KLF12: variants seen among roughly 807,000 people sequenced by gnomAD.
KLF12 encodes KLF transcription factor 12.
KLF12 carries 9 observed loss-of-function variants against 37.8 expected under a neutral mutation model. That is an observed-to-expected ratio of 0.24 (90% CI 0.14 to 0.42). The LOEUF is 0.42. Among genes scored for constraint, KLF12 ranks in the 10% least tolerant of loss-of-function variants. KLF12 has a pLI of 1.00. For missense variants in KLF12, 411 were observed against 516.0 expected (o/e 0.80, Z 1.97); for synonymous variants, 208 against 202.1 (o/e 1.03, Z -0.25).
the KLF12 span, among the ~76,000 whole-genome samples, chr13:74,181,327 A>G: frequency 4.6e-5 from 7 of 151,598 alleles, no homozygotes; most frequent in African/African-American, 1.7e-4. Flanking sequence ...CATTTAGCAT[A>G]AAAGAAAAAA....
chr13:73,703,234 T>C (rs1003801154), intron 7 of KLF12, among the ~76,000 whole-genome samples: 10 of 152,212 alleles, frequency 6.6e-5, no homozygotes, highest in Non-Finnish European at 1.5e-4. Flanking sequence ...AAGGATATTT[T>C]ATATTTACAA....
chr13:74,287,384 GAGAGA>G, the KLF12 span, among the ~76,000 whole-genome samples: 11 of 151,922 alleles, frequency 7.2e-5, no homozygotes, highest in African/African-American at 2.4e-4. Flanking sequence ...GAGAGAGAGA[GAGAGA>G]GAGAGAATCC....
intron 6 of KLF12, among the ~76,000 whole-genome samples, chr13:73,718,040 T>C (rs1875946811): frequency 6.6e-6 from 1 of 152,208 alleles, no homozygotes; most frequent in Non-Finnish European, 1.5e-5. Flanking sequence ...GAGTATTTGT[T>C]TTCTGCAAGT....
At chr13:73,894,867 G>T (rs1186034613) in intron 3 of KLF12, among the ~76,000 whole-genome samples, 2 of 152,128 alleles carry the variant, frequency 1.3e-5, no homozygotes, top group African/African-American at 4.8e-5. Context: ...AGGAATAGCT[G>T]TTGAATTTTG....
At chr13:73,988,077 G>T (rs187881894) in intron 2 of KLF12, among the ~76,000 whole-genome samples, 190 of 152,304 alleles carry the variant, frequency 1.2e-3, no homozygotes, top group Non-Finnish European at 2.3e-3. Context: ...AAGGGCTCCT[G>T]TCTTCCTTCA....
At chr13:74,181,349 A>C in the KLF12 span, among the ~76,000 whole-genome samples, 1 of 150,300 alleles carries the variant, frequency 6.7e-6, no homozygotes, top group Non-Finnish European at 1.5e-5. Flanking sequence ...AATAGAAAAC[A>C]TTGACAAAAG....
intron 3 of KLF12, among the ~76,000 whole-genome samples, chr13:73,871,127 T>C (rs1886441482): frequency 1.3e-5 from 2 of 152,086 alleles, no homozygotes; most frequent in Admixed American, 6.6e-5. Context: ...AAGGAGGAAA[T>C]GAGAGGGAGG....
At chr13:73,779,540 C>G (rs1048434567) in intron 5 of KLF12, among the ~76,000 whole-genome samples, 34 of 152,352 alleles carry the variant, frequency 2.2e-4, no homozygotes, top group African/African-American at 7.9e-4. Context: ...TTTCTTCCAT[C>G]TGGCTGCCCG....
intron 3 of KLF12, among the ~76,000 whole-genome samples, chr13:73,893,854 C>T (rs536735021): frequency 9.7e-4 from 148 of 152,132 alleles, no homozygotes; most frequent in Non-Finnish European, 1.9e-3. Context: ...GCAGTCAAAA[C>T]GGAAACAGGG....
the KLF12 span, among the ~76,000 whole-genome samples, chr13:74,256,114 C>A: frequency 2.3e-4 from 35 of 149,574 alleles, 1 homozygote; most frequent in Non-Finnish European, 4.9e-4. Flanking sequence ...GAGATCGCGC[C>A]ACTGCACTCC....
At chr13:74,004,282 G>A (rs1019423850) in intron 1 of KLF12, among the ~76,000 whole-genome samples, 2 of 152,078 alleles carry the variant, frequency 1.3e-5, no homozygotes, top group Admixed American at 6.6e-5. Flanking sequence ...CCTGGCATCA[G>A]CAAATATTTA....
rs183088097 is a variant in KLF12, at chr13:74,078,050, C to T, written c.-32+55689G>A. ...ACAGTGTGTTTTTGTAATATTGCAG[C>T]GACTCCATGTGAAGTTTGTTTGTTT... On this transcript the variant is annotated intron_variant, in intron 1 of 7. Transcript: ENST00000377669. Among the ~76,000 whole-genome samples the T allele has an allele frequency of 9.9e-4, 150 of 152,206 alleles. 1 individual carries two copies. The highest frequency in any genetic ancestry group is 8.9e-3 in the South Asian group (43 of 4,828).
the KLF12 span, among the ~76,000 whole-genome samples, chr13:74,256,454 T>C: frequency 6.6e-6 from 1 of 152,190 alleles, no homozygotes; most frequent in East Asian, 1.9e-4. Flanking sequence ...CTTGTGGATC[T>C]GGGTGGGACT....
intron 2 of KLF12, among the ~76,000 whole-genome samples, chr13:73,984,684 T>C (rs1339388824): frequency 6.6e-6 from 1 of 152,182 alleles, no homozygotes; most frequent in Non-Finnish European, 1.5e-5. Context: ...GTCAAGTCCT[T>C]TTAAGTCCCA....
intron 5 of KLF12, among the ~76,000 whole-genome samples, chr13:73,784,989 T>G (rs1380024967): frequency 2.0e-5 from 3 of 152,100 alleles, no homozygotes; most frequent in Non-Finnish European, 2.9e-5. Context: ...TGCACAGACA[T>G]TCATGAAGGT....
rs878932068 is a variant in KLF12, at chr13:73,690,346, A to G, written c.*5144T>C. The G allele has an allele frequency of 2.0e-5, 3 of 152,486 alleles. No individual in the cohort carries two copies. In the South Asian group the frequency reaches 6.2e-4, roughly 32 times the overall value. 9.4% of individuals were successfully genotyped at this position (152,486 alleles called of 1,614,324 possible). On this transcript the variant is annotated 3_prime_UTR_variant, in exon 8 of 8. Coordinates refer to ENST00000377669, the MANE Select transcript of KLF12 (RefSeq NM_007249.5). ...ATCCACAGCACTTAATCTTGTCAAC[A>G]TGTAGTTATACCTAAAAGCAGTCTC...
At chr13:73,978,921 TAC>T (rs746457786) in intron 2 of KLF12, among the ~76,000 whole-genome samples, 3 of 152,206 alleles carry the variant, frequency 2.0e-5, no homozygotes, top group Non-Finnish European at 2.9e-5. Context: ...CTGAAAAGGC[TAC>T]ACACTATTAT....
chr13:73,900,027 C>T (rs188669171), intron 3 of KLF12, among the ~76,000 whole-genome samples: 293 of 152,108 alleles, frequency 1.9e-3, no homozygotes, highest in Middle Eastern at 3.4e-3. Context: ...GAAAGTTTTT[C>T]GTTAAATAGA....
intron 7 of KLF12, among the ~76,000 whole-genome samples, chr13:73,697,560 A>C (rs879914172): frequency 6.6e-6 from 1 of 152,222 alleles, no homozygotes; most frequent in Non-Finnish European, 1.5e-5. Flanking sequence ...TATTATCTAC[A>C]TGCTTTTACG....
Sources: gnomAD v4.1 joint callset for allele counts (sites outside exome capture counted in the v4.1 genomes callset) on GRCh38, gnomAD v4.1.1 for gene constraint, MANE v1.5 for transcripts, NCBI Gene and HGNC (gene_info 2026-07-23, HGNC 2026-07-21) for gene names.